Variants in SIL1 observed in about 807,000 individuals in gnomAD.
SIL1 encodes the protein SIL1 nucleotide exchange factor.
In SIL1, 40 loss-of-function variants were observed where a neutral mutation model predicts 49.1. The observed-to-expected ratio is 0.81, with a 90% CI of 0.63 to 1.06. SIL1 has a LOEUF of 1.06. Ranked by LOEUF, SIL1 falls within the 50% of genes least tolerant of loss-of-function variation. The probability of loss-of-function intolerance (pLI) is 0.00; values close to 1 mark genes in which losing one functional copy is unlikely to be tolerated. For synonymous variants in SIL1, 253 were observed against 250.8 expected (o/e 1.01, Z -0.08); for missense variants, 500 against 572.6 (o/e 0.87, Z 1.29).
At chr5:138,973,537 C>T (rs1290174586) in intron 7 of SIL1, among the ~76,000 whole-genome samples, 3 of 152,156 alleles carry the variant, frequency 2.0e-5, no homozygotes. Flanking sequence ...TCACAGCTCA[C>T]TACATCCCTG....
intron 1 of SIL1, among the ~76,000 whole-genome samples, chr5:139,192,158 G>A (rs926968835): frequency 2.0e-5 from 3 of 151,086 alleles, no homozygotes; most frequent in Non-Finnish European, 2.9e-5. Flanking sequence ...AGGAGGTTGA[G>A]GTGGAAGGAT....
intron 3 of SIL1, among the ~76,000 whole-genome samples, chr5:139,065,791 C>T (rs1462544906): frequency 6.6e-6 from 1 of 152,216 alleles, no homozygotes; most frequent in African/African-American, 2.4e-5. Context: ...CCACTATACA[C>T]TCCTGAGTCT....
At chr5:139,102,676 C>T (rs1263593053) in intron 3 of SIL1, among the ~76,000 whole-genome samples, 2 of 151,466 alleles carry the variant, frequency 1.3e-5, no homozygotes, top group Non-Finnish European at 2.9e-5. Flanking sequence ...AGACAGAAAA[C>T]AGATGAAACT....
intron 7 of SIL1, among the ~76,000 whole-genome samples, chr5:139,004,774 G>GA (rs1432539446): frequency 8.5e-5 from 13 of 152,060 alleles, no homozygotes; most frequent in African/African-American, 2.4e-4. Flanking sequence ...TATTCAGCCA[G>GA]AAAAAAATAA....
At chr5:139,049,867 C>T (rs1581059007) in intron 4 of SIL1, among the ~76,000 whole-genome samples, 1 of 151,648 alleles carries the variant, frequency 6.6e-6, no homozygotes, top group South Asian at 2.1e-4. Context: ...CAATCCATAA[C>T]TAATAATTCC....
chr5:139,196,192 AAAT>A (rs909804046), intron 1 of SIL1, among the ~76,000 whole-genome samples: 3 of 151,968 alleles, frequency 2.0e-5, no homozygotes, highest in African/African-American at 4.8e-5. Flanking sequence ...CCCATCTGAA[AAAT>A]AATAATAATA....
rs1014031625 is a variant in SIL1 at position 138,948,979 on chromosome 5, G to A, written c.1030-1506C>T. Among the ~76,000 whole-genome samples, 3 of 152,158 alleles carry A rather than the reference G, an allele frequency of 2.0e-5. No homozygotes were observed. Among genetic ancestry groups the A allele is most frequent in the Admixed American group, 6.5e-5 (1 of 15,276 alleles). The stretch of plus-strand genomic sequence containing the variant: ...CCAATCGTGGATTTCCCAGCCTCCC[G>A]AATCATGAGCCAAAAACTGCCTTTT... On this transcript the variant is annotated intron_variant, in intron 9 of 9. Coordinates refer to ENST00000394817, the MANE Select transcript of SIL1 (RefSeq NM_022464.5). This position sits in a 1 kb window ranked among gnomAD's most constrained non-coding sequence, Gnocchi z 4.8.
At chr5:139,026,508 C>T (rs1768652919) in intron 6 of SIL1, among the ~76,000 whole-genome samples, 1 of 152,158 alleles carries the variant, frequency 6.6e-6, no homozygotes, top group South Asian at 2.1e-4. Flanking sequence ...AAGGCTGAGG[C>T]AGGAGAATAG....
intron 1 of SIL1, among the ~76,000 whole-genome samples, chr5:139,145,935 G>C (rs938773722): frequency 6.6e-6 from 1 of 151,342 alleles, no homozygotes; most frequent in Non-Finnish European, 1.5e-5. Flanking sequence ...GCATCATAAT[G>C]ACAAATTTTA....
At chr5:138,992,522 A>G (rs1242095591) in intron 7 of SIL1, among the ~76,000 whole-genome samples, 1 of 152,186 alleles carries the variant, frequency 6.6e-6, no homozygotes, top group Non-Finnish European at 1.5e-5. Context: ...AGCCTTTCTC[A>G]TATCCACAGC....
chr5:139,051,178 C>T lies in SIL1; in HGVS notation c.245-132G>A, dbSNP rs575256352. ...GCTGTGTTCAGTTACCTCCTCAATC[C>T]ACCCATCCCTCTCCCTTGAACACAC... On this transcript the variant is annotated intron_variant, in intron 3 of 9. Coordinates refer to ENST00000394817, the MANE Select transcript of SIL1 (RefSeq NM_022464.5). 13 of 754,104 alleles carry T rather than the reference C, an allele frequency of 1.7e-5. No homozygotes were observed. The Admixed American group carries it at 2.5e-4, about 15-fold the overall frequency. 46.7% of individuals were successfully genotyped at this position (754,104 alleles called of 1,614,324 possible).
At chr5:138,972,436 C>T (rs1054819182) in intron 7 of SIL1, among the ~76,000 whole-genome samples, 1 of 152,252 alleles carries the variant, frequency 6.6e-6, no homozygotes, top group East Asian at 1.9e-4. Flanking sequence ...TCAAGCTGGG[C>T]TAAAAAGCAG....
chr5:139,040,162 C>G (rs1205645637), intron 5 of SIL1, among the ~76,000 whole-genome samples: 2 of 152,182 alleles, frequency 1.3e-5, no homozygotes. Context: ...AGGATGATAT[C>G]TGTAGCCAAA....
At chr5:139,060,113 T>C (rs1019856373) in intron 3 of SIL1, among the ~76,000 whole-genome samples, 5 of 152,228 alleles carry the variant, frequency 3.3e-5, no homozygotes, top group African/African-American at 1.2e-4. Context: ...ACTTGGTTCA[T>C]TTGTTAGTAT....
chr5:138,987,031 A>T (rs998974122), intron 7 of SIL1, among the ~76,000 whole-genome samples: 2 of 152,034 alleles, frequency 1.3e-5, no homozygotes, highest in Non-Finnish European at 2.9e-5. Flanking sequence ...AGGGGAAAAA[A>T]AATTGGGTCA....
intron 7 of SIL1, among the ~76,000 whole-genome samples, chr5:139,017,550 A>G (rs574721584): frequency 6.6e-6 from 1 of 152,318 alleles, no homozygotes; most frequent in East Asian, 1.9e-4. Context: ...TGGGTTATTA[A>G]AGAAGGATAC....
rs1769071203 is a variant in SIL1 at position 139,042,621 on chromosome 5, T to C, written c.452A>G (p.Lys151Arg). 6.2e-7 allele frequency: 1 copy of C among 1,613,732 alleles called. No individual in the cohort carries two copies. Among genetic ancestry groups the C allele is most frequent in the Non-Finnish European group, 8.5e-7 (1 of 1,179,738 alleles). Residue 151 changes from lysine (K) to arginine (R), a missense_variant and splice_region_variant, in exon 5 of 10, where the codon AAG (lysine) becomes AGG (arginine). By Grantham distance (26) the Lys-to-Arg change is conservative (BLOSUM62 2). Transcript: ENST00000394817. ...GAEMESSKEDKARQAEVKRLF... is the reference protein window; with the variant it reads ...GAEMESSKEDRARQAEVKRLF... Reference sequence around the variant, plus strand: ...CTCACAGGAAAAATAATCACACACCTTGTCTTCCTTTGAACTCTCCATCTC... The same window carrying C: ...CTCACAGGAAAAATAATCACACACCCTGTCTTCCTTTGAACTCTCCATCTC...
chr5:138,969,360 G>C (rs1038478254), intron 7 of SIL1, among the ~76,000 whole-genome samples: 4 of 152,176 alleles, frequency 2.6e-5, no homozygotes, highest in African/African-American at 4.8e-5. Flanking sequence ...TGTCCTCCTT[G>C]ACAACAGTCC....
intron 1 of SIL1, chr5:139,137,225 C>T (rs1355195754): frequency 9.2e-6 from 6 of 649,666 alleles, no homozygotes; most frequent in Non-Finnish European, 1.4e-5. Context: ...ATGTTGCAAG[C>T]AAAGTATTAG....
Sources: allele counts gnomAD v4.1 joint callset (sites outside exome capture counted in the v4.1 genomes callset), GRCh38; gene constraint gnomAD v4.1.1; non-coding constraint Gnocchi (gnomAD v3.1); transcripts MANE v1.5; gene names NCBI Gene and HGNC (gene_info 2026-07-23, HGNC 2026-07-21).